Variants in AK4 observed in about 807,000 individuals in gnomAD.
AK4 encodes the protein adenylate kinase 4.
Under a neutral mutation model 24.6 loss-of-function variants are expected in AK4, and 13 were observed. The observed-to-expected ratio is 0.53, with a 90% CI of 0.34 to 0.84. The LOEUF is 0.84. Ranked by LOEUF, AK4 falls within the 40% of genes least tolerant of loss-of-function variation. The pLI is 0.01. For missense variants in AK4, 192 were observed against 288.2 expected, an observed-to-expected ratio of 0.67 and a Z score of 2.42; for synonymous variants, 88 against 107.0, an observed-to-expected ratio of 0.82 and a Z score of 1.10.
intron 3 of AK4, among the ~76,000 whole-genome samples, chr1:65,223,872 C>T (rs989846280): frequency 2.6e-5 from 4 of 152,094 alleles, no homozygotes; most frequent in Non-Finnish European, 5.9e-5. Flanking sequence ...TGGCAGGCAC[C>T]TGTAATCCCA....
At position 65,226,171 on chromosome 1, in the gene AK4, A is replaced by C. The variant is rs770100726; in HGVS notation, c.666A>C (p.Ala222=). 4 of 1,604,272 alleles carry C rather than the reference A, an allele frequency of 2.5e-6. No homozygotes were observed. In the South Asian group the frequency reaches 3.3e-5, roughly 13 times the overall value. The change falls in exon 5 of 5, where the codon GCA becomes GCC. Residue 222 remains alanine, a synonymous_variant. Coordinates refer to ENST00000327299, the MANE Select transcript of AK4 (RefSeq NM_013410.4). ...TCACACCTATTCAGTCCAAAGAAGC[A>C]TATTGACCCTGCCCAATGGAAGAAC... ...NKITPIQSKE[A]Y
intron 2 of AK4, among the ~76,000 whole-genome samples, chr1:65,197,365 T>C (rs1651505019): frequency 6.6e-6 from 1 of 152,222 alleles, no homozygotes. Flanking sequence ...TATTTTAAAC[T>C]GGTATTTCAA....
chr1:65,204,952 A>G (rs1651770439), intron 2 of AK4, among the ~76,000 whole-genome samples: 1 of 152,216 alleles, frequency 6.6e-6, no homozygotes, highest in African/African-American at 2.4e-5. Context: ...AATCATTGAA[A>G]TGTACACTTT....
rs3051712 is a variant in AK4 at position 65,172,063 on chromosome 1, GTATATATATATATATATATATATA to G, written c.146-18629_146-18606del. On this transcript the variant is annotated intron_variant, in intron 1 of 4. Coordinates refer to ENST00000327299, the MANE Select transcript of AK4 (RefSeq NM_013410.4). ...GCAACAGAGAGAGACTCCATCTCAAGTATATATATATATATATATATATATATATATATATATATATTTAAACTC... is the reference window on the plus strand; with the variant it reads ...GCAACAGAGAGAGACTCCATCTCAAGTATATATATATATATATTTAAACTC... Among the ~76,000 whole-genome samples, 159 of 65,768 alleles carry G rather than the reference GTATATATATATATATATATATATA, an allele frequency of 2.4e-3. 8 individuals carry two copies. Among genetic ancestry groups the G allele is most frequent in the South Asian group, 0.022 (25 of 1,148 alleles). 43.1% of individuals were successfully genotyped at this position (65,768 alleles called of 152,430 possible).
At chr1:65,225,247 C>T (rs183274256) in intron 4 of AK4, among the ~76,000 whole-genome samples, 13 of 152,030 alleles carry the variant, frequency 8.6e-5, no homozygotes, top group Admixed American at 8.5e-4. Flanking sequence ...TTGGTGTGTC[C>T]CTTCTTGAAG....
intron 3 of AK4, among the ~76,000 whole-genome samples, 198 bp downstream of exon 3, chr1:65,219,124 A>G (rs1652221456): frequency 6.6e-6 from 1 of 152,060 alleles, no homozygotes; most frequent in Non-Finnish European, 1.5e-5. Flanking sequence ...CTTTGGATCT[A>G]TTGGACTGGC....
intron 2 of AK4, among the ~76,000 whole-genome samples, chr1:65,202,241 C>G (rs989028537): frequency 6.6e-6 from 1 of 151,664 alleles, no homozygotes; most frequent in South Asian, 2.1e-4. Flanking sequence ...ACTAAAAATA[C>G]GAAAAATTAG....
chr1:65,162,946 A>T (rs79638265), intron 1 of AK4, among the ~76,000 whole-genome samples: 1 of 152,162 alleles, frequency 6.6e-6, no homozygotes, highest in African/African-American at 2.4e-5. Context: ...GTTTATCTAT[A>T]TTGTAGTGTG....
chr1:65,204,415 G>A (rs1437212604), intron 2 of AK4, among the ~76,000 whole-genome samples: 1 of 151,978 alleles, frequency 6.6e-6, no homozygotes, highest in African/African-American at 2.4e-5. Flanking sequence ...TGGGCAGGCT[G>A]GTCTCAAACT....
intron 1 of AK4, among the ~76,000 whole-genome samples, chr1:65,170,903 C>A (rs1650495025): frequency 6.6e-6 from 1 of 151,010 alleles, no homozygotes; most frequent in Non-Finnish European, 1.5e-5. Flanking sequence ...TAGGTGTCTC[C>A]TTGTTAGGGT....
At chr1:65,187,994 G>A (rs1651160106) in intron 1 of AK4, among the ~76,000 whole-genome samples, 1 of 152,220 alleles carries the variant, frequency 6.6e-6, no homozygotes. Context: ...TCTAGTGGTA[G>A]TACTCAAGAG....
rs1285375634 is a variant in AK4, at chr1:65,194,472, C to CT, written c.265+3654dup. On this transcript the variant is annotated intron_variant, in intron 2 of 4. Transcript: ENST00000327299. ...CCAGTCATGACCACTTGAGTAATTT[C>CT]TTTTTTTTTTTGAGATGAAGTCTCT... is the stretch of plus-strand genomic sequence containing the variant. Among the ~76,000 whole-genome samples the CT allele has an allele frequency of 3.8e-3, 564 of 147,336 alleles. 4 individuals carry two copies. The highest frequency in any genetic ancestry group is 0.012 in the African/African-American group (501 of 40,388).
chr1:65,174,537 T>A (rs963671073), intron 1 of AK4, among the ~76,000 whole-genome samples: 3 of 152,202 alleles, frequency 2.0e-5, no homozygotes, highest in African/African-American at 2.4e-5. Flanking sequence ...AAAATACTGT[T>A]GGGATCCTTT....
intron 1 of AK4, among the ~76,000 whole-genome samples, chr1:65,180,988 T>A (rs1259388850): frequency 6.6e-6 from 1 of 152,040 alleles, no homozygotes; most frequent in African/African-American, 2.4e-5. Context: ...CAGCATTTTC[T>A]GTAGAACAAT....
chr1:65,152,364 A>ATCTC lies in AK4; in HGVS notation c.145+3813_145+3814insCTCT, dbSNP rs1327370501. ...TCTCTCTCTCTCTCTCTCTCTCTAT[A>ATCTC]TATATATATATATATATATATTTTT... On this transcript the variant is annotated intron_variant, in intron 1 of 4. Transcript: ENST00000327299. 5.6e-3 allele frequency among the ~76,000 whole-genome samples: 211 copies of ATCTC among 37,510 alleles called. 1 individual carries two copies. The highest frequency in any genetic ancestry group is 0.016 in the African/African-American group (194 of 12,302). The allele number at this position is 37,510 out of a possible 152,430, so 24.6% of individuals were successfully genotyped here.
intron 1 of AK4, among the ~76,000 whole-genome samples, chr1:65,175,706 GC>G (rs2101017330): frequency 6.6e-6 from 1 of 152,288 alleles, no homozygotes; most frequent in African/African-American, 2.4e-5. Flanking sequence ...ACTCTGTAGG[GC>G]TGAAAGTGCC....
At chr1:65,224,729 A>G (rs1652400425) in intron 3 of AK4, 23 bp from the exon 4 acceptor site, 2 of 1,593,246 alleles carry the variant, frequency 1.3e-6, no homozygotes, top group East Asian at 2.2e-5. Flanking sequence ...GTCTATATTA[A>G]TTGGTTTATT....
At chr1:65,151,875 A>G (rs1649782210) in intron 1 of AK4, among the ~76,000 whole-genome samples, 1 of 152,156 alleles carries the variant, frequency 6.6e-6, no homozygotes, top group South Asian at 2.1e-4. Context: ...CCTCATTTGA[A>G]GAGTCACACC....
intron 4 of AK4, among the ~76,000 whole-genome samples, chr1:65,225,183 A>G (rs1652415411): frequency 6.6e-6 from 1 of 152,246 alleles, no homozygotes; most frequent in African/African-American, 2.4e-5. Flanking sequence ...GGTCCCACAT[A>G]TGTTGATACT....
Sources: gnomAD v4.1 joint callset for allele counts (sites outside exome capture counted in the v4.1 genomes callset) on GRCh38, gnomAD v4.1.1 for gene constraint, MANE v1.5 for transcripts, NCBI Gene and HGNC (gene_info 2026-07-23, HGNC 2026-07-21) for gene names.